Variants in CSMD1 observed in about 807,000 individuals in gnomAD.
CSMD1 encodes CUB and sushi domain-containing protein 1.
Under a neutral mutation model 417.5 loss-of-function variants are expected in CSMD1, and 213 were observed. The observed-to-expected ratio is 0.51, with a 90% confidence interval of 0.46 to 0.57. The LOEUF (loss-of-function observed/expected upper bound fraction) is 0.57, where lower values mean the gene tolerates loss of function less well. Among genes scored for constraint, CSMD1 ranks in the 20% least tolerant of loss-of-function variants. CSMD1 has a pLI of 0.00. For synonymous variants in CSMD1, 2,862 were observed against 1,736.8 expected (o/e 1.65, Z -16.11); for missense variants, 6,923 against 4,529.7 (o/e 1.53, Z -15.17).
At chr8:4,739,672 T>A (rs542720899) in intron 1 of CSMD1, among the ~76,000 whole-genome samples, 1 of 152,174 alleles carries the variant, frequency 6.6e-6, no homozygotes, top group East Asian at 1.9e-4. Context: ...CCACACTTTG[T>A]GTCTATCACT....
chr8:4,794,380 C>A (rs190249254), intron 1 of CSMD1, among the ~76,000 whole-genome samples: 62 of 152,238 alleles, frequency 4.1e-4, no homozygotes, highest in African/African-American at 1.4e-3. Context: ...TTTCTAACAT[C>A]CCCATTAGAA....
chr8:3,927,261 T>G (rs990355091), intron 5 of CSMD1, among the ~76,000 whole-genome samples: 1 of 152,028 alleles, frequency 6.6e-6, no homozygotes, highest in Non-Finnish European at 1.5e-5. Context: ...AATAAATATA[T>G]AGCAGACATA....
chr8:4,697,423 T>C (rs1007896260), intron 1 of CSMD1, among the ~76,000 whole-genome samples: 1 of 152,170 alleles, frequency 6.6e-6, no homozygotes, highest in African/African-American at 2.4e-5. Flanking sequence ...TATTTGGGCA[T>C]GCTCATATTT....
intron 2 of CSMD1, among the ~76,000 whole-genome samples, chr8:4,465,616 A>T (rs763187325): frequency 1.6e-4 from 24 of 152,084 alleles, no homozygotes; most frequent in Non-Finnish European, 2.8e-4. Context: ...AGGATTATTA[A>T]GTTAAGGCCT....
intron 1 of CSMD1, among the ~76,000 whole-genome samples, chr8:4,856,333 G>A (rs879642415): frequency 6.9e-5 from 10 of 145,094 alleles, no homozygotes; most frequent in East Asian, 2.1e-4. Context: ...AAAGACCATC[G>A]AGACTAGGAA....
chr8:4,252,093 G>C (rs1252333355), intron 3 of CSMD1, among the ~76,000 whole-genome samples: 1 of 152,126 alleles, frequency 6.6e-6, no homozygotes, highest in Admixed American at 6.5e-5. Flanking sequence ...GATGAACAAA[G>C]AAACAGTACA....
chr8:3,970,546 G>C (rs576084079), intron 5 of CSMD1, among the ~76,000 whole-genome samples: 29 of 152,132 alleles, frequency 1.9e-4, no homozygotes, highest in Non-Finnish European at 3.5e-4. Flanking sequence ...CCTGAAGCCA[G>C]ATCTTAGTGA....
chr8:4,616,830 T>C (rs1251453946), intron 2 of CSMD1, among the ~76,000 whole-genome samples: 1 of 152,176 alleles, frequency 6.6e-6, no homozygotes, highest in Admixed American at 6.5e-5. Flanking sequence ...CTCATTTTGG[T>C]CTTCTGGGCT....
At chr8:3,466,884 C>G (rs1261074919) in intron 12 of CSMD1, among the ~76,000 whole-genome samples, 2 of 152,074 alleles carry the variant, frequency 1.3e-5, no homozygotes. Context: ...TTTAGAATGT[C>G]TTCTACTGTT....
chr8:3,648,297 C>G (rs1223147271), intron 7 of CSMD1, among the ~76,000 whole-genome samples: 1 of 152,074 alleles, frequency 6.6e-6, no homozygotes, highest in Non-Finnish European at 1.5e-5. Context: ...TCAAATCTGC[C>G]CTACAAATTG....
chr8:4,171,728 T>C (rs888298993), intron 3 of CSMD1, among the ~76,000 whole-genome samples: 1 of 152,198 alleles, frequency 6.6e-6, no homozygotes, highest in East Asian at 1.9e-4. Flanking sequence ...GCCAAGCTTC[T>C]GAAATTTTCA....
At chr8:4,404,777 A>G (rs998617521) in intron 3 of CSMD1, among the ~76,000 whole-genome samples, 7 of 152,208 alleles carry the variant, frequency 4.6e-5, no homozygotes, top group African/African-American at 1.7e-4. Flanking sequence ...TTGAATAGCC[A>G]TAAGCAAGAC....
chr8:3,724,454 A>G (rs1270809826), intron 6 of CSMD1, among the ~76,000 whole-genome samples: 2 of 152,146 alleles, frequency 1.3e-5, no homozygotes, highest in Non-Finnish European at 2.9e-5. Flanking sequence ...CTCTCAATGT[A>G]ATTCTGAATA....
intron 3 of CSMD1, among the ~76,000 whole-genome samples, chr8:4,092,114 A>G (rs1800753464): frequency 6.6e-6 from 1 of 152,204 alleles, no homozygotes; most frequent in African/African-American, 2.4e-5. Flanking sequence ...TTCTTAGAGA[A>G]ATACTTTCTC....
At chr8:4,886,349 T>C (rs1031257641) in intron 1 of CSMD1, among the ~76,000 whole-genome samples, 1 of 151,956 alleles carries the variant, frequency 6.6e-6, no homozygotes, top group Non-Finnish European at 1.5e-5. Flanking sequence ...TTATTTTATG[T>C]ATATTATAAA....
intron 2 of CSMD1, 67 bp from the exon 3 acceptor site, chr8:4,420,132 T>C: frequency 9.3e-7 from 1 of 1,074,942 alleles, no homozygotes; most frequent in Non-Finnish European, 1.4e-6. Context: ...GCTTATTTGA[T>C]GAAGTCACTG....
chr8:4,620,879 T>A (rs1801739285), intron 2 of CSMD1, among the ~76,000 whole-genome samples: 1 of 150,196 alleles, frequency 6.7e-6, no homozygotes, highest in Admixed American at 6.6e-5. Flanking sequence ...AGAGTGAAAA[T>A]AAGAGAAAAA....
At chr8:4,802,945 G>A (rs1798386380) in intron 1 of CSMD1, among the ~76,000 whole-genome samples, 1 of 152,152 alleles carries the variant, frequency 6.6e-6, no homozygotes, top group Non-Finnish European at 1.5e-5. Context: ...TGATCTTAGT[G>A]CTGGCTTCTA....
chr8:4,023,009 A>C (rs1275933886), intron 4 of CSMD1, among the ~76,000 whole-genome samples: 1 of 152,242 alleles, frequency 6.6e-6, no homozygotes, highest in Non-Finnish European at 1.5e-5. Flanking sequence ...CTTTTACCAA[A>C]TCCGTGTTTT....
Sources: gnomAD v4.1 joint callset for allele counts (sites outside exome capture counted in the v4.1 genomes callset) on GRCh38, gnomAD v4.1.1 for gene constraint, MANE v1.5 for transcripts, NCBI Gene and HGNC (gene_info 2026-07-23, HGNC 2026-07-21) for gene names.